Variants in TOPAZ1 observed in about 807,000 individuals in gnomAD.
The protein encoded by TOPAZ1 is protein TOPAZ1.
A neutral mutation model predicts 172.2 loss-of-function variants in TOPAZ1; 66 were observed. The observed-to-expected ratio is 0.38, with a 90% CI of 0.31 to 0.47. The LOEUF is 0.47. TOPAZ1 is among the 20% of genes least tolerant of loss of function. The pLI is 0.99. For missense variants in TOPAZ1, 1,822 were observed against 1,972.4 expected (o/e 0.92, Z 1.44); for synonymous variants, 681 against 683.9 (o/e 1.00, Z 0.07).
Position 44,244,615 on chromosome 3 carries a change from T to A in TOPAZ1, c.2109T>A (p.Asn703Lys), listed in dbSNP as rs1432532148. ...KNKSEKRKEVNAKSSEREAYS... is the reference protein window; with the variant it reads ...KNKSEKRKEVKAKSSEREAYS... ...AATCAGAAAAAAGAAAAGAAGTAAA[T>A]GCCAAGTCATCAGAGAGAGAAGCTT... Residue 703 changes from asparagine to lysine, a missense_variant, in exon 2 of 20, where the codon AAT (asparagine) becomes AAA (lysine). Asn to Lys is a moderately conservative substitution (Grantham distance 94, BLOSUM62 0). Around this residue, in one of 2 missense-constraint regions of TOPAZ1, gnomAD observed 1,489 missense variants for 1,490.8 expected, o/e 1.00. Transcript: ENST00000309765. 6.4e-7 allele frequency: 1 copy of A among 1,551,078 alleles called. No individual in the cohort carries two copies.
chr3:44,329,273 C>CAG (rs1399657197), intron 19 of TOPAZ1, among the ~76,000 whole-genome samples: 9 of 152,202 alleles, frequency 5.9e-5, no homozygotes, highest in African/African-American at 2.2e-4. Flanking sequence ...TCATGTGACT[C>CAG]AGTTTTTCCA....
intron 12 of TOPAZ1, among the ~76,000 whole-genome samples, chr3:44,293,249 TC>T (rs1176396945): frequency 2.0e-5 from 3 of 152,260 alleles, no homozygotes; most frequent in African/African-American, 4.8e-5. Flanking sequence ...GTGTTACTGG[TC>T]TATGTATTTA....
chr3:44,328,496 A>G (rs995824762), intron 19 of TOPAZ1, 63 bp downstream of exon 19: 1 of 898,654 alleles, frequency 1.1e-6, no homozygotes, highest in Non-Finnish European at 1.6e-6. Flanking sequence ...ACCCACCCTA[A>G]GATGTAAATG....
intron 2 of TOPAZ1, among the ~76,000 whole-genome samples, chr3:44,250,767 A>T (rs1699621092): frequency 6.6e-6 from 1 of 152,212 alleles, no homozygotes; most frequent in Non-Finnish European, 1.5e-5. Context: ...TCTTTAAAGT[A>T]GCAGGTGGGG....
rs1228552121 is a variant in TOPAZ1 at position 44,321,107 on chromosome 3, A to G, written c.4387A>G (p.Ile1463Val). Residue 1463 changes from isoleucine to valine, a missense_variant, in exon 17 of 20, where the codon ATT (isoleucine) becomes GTT (valine). Physicochemically the swap from Ile to Val is conservative, Grantham distance 29. Coordinates refer to ENST00000309765, the MANE Select transcript of TOPAZ1 (RefSeq NM_001145030.2). Reference protein sequence around the residue: ...VLNRHNLLCTIAHEILAKSLY... With the variant: ...VLNRHNLLCTVAHEILAKSLY... ...TAATCGACATAATTTACTCTGTACA[A>G]TTGCACATGAAATCTTAGCCAAGAG... 1 of 1,551,018 alleles carries G rather than the reference A, an allele frequency of 6.4e-7. No homozygotes were observed.
intron 7 of TOPAZ1, 32 bp from the exon 8 acceptor site, chr3:44,270,653 A>G (rs1324035323): frequency 6.6e-7 from 1 of 1,517,784 alleles, no homozygotes; most frequent in Non-Finnish European, 8.8e-7. Context: ...CTTTACAGTT[A>G]ATACAGAAAG....
intron 5 of TOPAZ1, 82 bp from the exon 6 acceptor site, chr3:44,266,912 AAAG>A: frequency 2.9e-6 from 3 of 1,047,080 alleles, no homozygotes; most frequent in Non-Finnish European, 3.9e-6. Flanking sequence ...ATTTTTTTAA[AAAG>A]AAATATCTGA....
chr3:44,328,699 A>G (rs916087741), intron 19 of TOPAZ1, among the ~76,000 whole-genome samples: 11 of 152,190 alleles, frequency 7.2e-5, no homozygotes, highest in Middle Eastern at 3.2e-3. Context: ...ATGTTCAAAG[A>G]GACGGATCCT....
chr3:44,329,885 C>T (rs923827182), intron 19 of TOPAZ1, among the ~76,000 whole-genome samples: 1 of 152,116 alleles, frequency 6.6e-6, no homozygotes, highest in Non-Finnish European at 1.5e-5. Flanking sequence ...GCAAACCTGC[C>T]CTTTGCTCCA....
chr3:44,306,025 T>G (rs1700333016), intron 14 of TOPAZ1, among the ~76,000 whole-genome samples: 1 of 152,242 alleles, frequency 6.6e-6, no homozygotes, highest in African/African-American at 2.4e-5. Flanking sequence ...GTTTTTGACC[T>G]GAGCTCTTTA....
intron 5 of TOPAZ1, among the ~76,000 whole-genome samples, chr3:44,263,846 T>C (rs1377703829): frequency 6.6e-6 from 1 of 152,232 alleles, no homozygotes; most frequent in African/African-American, 2.4e-5. Flanking sequence ...GAATTATTTT[T>C]CTAGATAAGT....
chr3:44,309,720 A>G, intron 15 of TOPAZ1, 105 bp from the exon 16 acceptor site: 3 of 822,896 alleles, frequency 3.6e-6, no homozygotes, highest in Non-Finnish European at 5.7e-6. Context: ...CCAGCAGTCT[A>G]GGATGATGAT....
chr3:44,309,957 G>A lies in TOPAZ1; in HGVS notation c.4273G>A (p.Gly1425Arg), dbSNP rs888041426. 6.4e-7 allele frequency: 1 copy of A among 1,551,592 alleles called. No homozygotes were observed. The highest frequency in any genetic ancestry group is 2.0e-5 in the Admixed American group (1 of 50,976). The change falls in exon 16 of 20, where the codon GGA (glycine) becomes AGA (arginine). Residue 1425 changes from glycine (G) to arginine (R), a missense_variant. Gly to Arg is a moderately radical substitution (Grantham distance 125). Around this residue, in one of 2 missense-constraint regions of TOPAZ1, gnomAD observed 333 missense variants for 481.7 expected, o/e 0.69. Transcript: ENST00000309765. ...NVAAEIFLKS[G>R]SLDGAIWVMR... ...TGCAGCAGAAATTTTTCTAAAAAGT[G>A]GAAGCCTAGATGGTGCCATTTGGGT...
downstream of TOPAZ1, among the ~76,000 whole-genome samples, chr3:44,334,447 AACTT>A (rs1337519161): frequency 3.4e-4 from 52 of 152,234 alleles, no homozygotes; most frequent in African/African-American, 1.2e-3. Flanking sequence ...GGTTATGAAA[AACTT>A]ACTGGGGACA....
At chr3:44,283,605 TTAAG>T in intron 9 of TOPAZ1, among the ~76,000 whole-genome samples, 1 of 152,206 alleles carries the variant, frequency 6.6e-6, no homozygotes, top group Non-Finnish European at 1.5e-5. Flanking sequence ...TTTTTAAATT[TTAAG>T]TTTTTATTTA....
At chr3:44,288,564 A>G (rs1194199066) in intron 11 of TOPAZ1, among the ~76,000 whole-genome samples, 1 of 152,136 alleles carries the variant, frequency 6.6e-6, no homozygotes, top group Non-Finnish European at 1.5e-5. Flanking sequence ...GCACTCCTAT[A>G]ATCCCAGCCA....
intron 17 of TOPAZ1, among the ~76,000 whole-genome samples, chr3:44,322,357 T>C (rs554020978): frequency 6.6e-6 from 1 of 152,310 alleles, no homozygotes; most frequent in African/African-American, 2.4e-5. Context: ...TCAAGGGATA[T>C]ATAAGGCTAA....
chr3:44,247,593 C>T (rs1247253559), intron 2 of TOPAZ1, among the ~76,000 whole-genome samples: 1 of 152,164 alleles, frequency 6.6e-6, no homozygotes, highest in East Asian at 1.9e-4. Flanking sequence ...TATTAGTACT[C>T]TATTTAAATT....
Position 44,242,127 on chromosome 3 carries a change from G to A in TOPAZ1, c.74G>A (p.Arg25Gln), listed in dbSNP as rs555339289. 1.9e-6 allele frequency: 3 copies of A among 1,548,976 alleles called. No individual in the cohort carries two copies. The highest frequency in any genetic ancestry group is 2.4e-5 in the East Asian group (1 of 40,876). ...GGCAATGTGCGAAACCTGCAGAAGC[G>A]GCAGGCGCCAGGGCCAGGCGCGGCG... ...PEGNVRNLQK[R>Q]QAPGPGAAGG... is the part of the protein sequence containing the mutation. Residue 25 changes from arginine to glutamine, a missense_variant, in exon 1 of 20, where the codon CGG becomes CAG. Physicochemically the swap from Arg to Gln is conservative, Grantham distance 43. Around this residue, in one of 2 missense-constraint regions of TOPAZ1, gnomAD observed 1,489 missense variants for 1,490.8 expected, o/e 1.00. Coordinates refer to ENST00000309765, the MANE Select transcript of TOPAZ1 (RefSeq NM_001145030.2).
Sources: gnomAD v4.1 joint callset for allele counts (sites outside exome capture counted in the v4.1 genomes callset) on GRCh38, gnomAD v4.1.1 for gene constraint, gnomAD v4.1.1 regional missense constraint, MANE v1.5 for transcripts, NCBI Gene and HGNC (gene_info 2026-07-23, HGNC 2026-07-21) for gene names.